Variants in AOPEP observed in about 807,000 individuals in gnomAD.
AOPEP encodes the protein aminopeptidase O (putative), also known as aminopeptidase O.
A neutral mutation model predicts 98.1 loss-of-function variants in AOPEP; 77 were observed. That is an observed-to-expected ratio of 0.78 (90% CI 0.65 to 0.95). AOPEP has a LOEUF of 0.95. Among genes scored for constraint, AOPEP ranks in the 40% least tolerant of loss-of-function variants. The pLI is 0.00. For missense variants in AOPEP, 1,024 were observed against 1,024.7 expected (o/e 1.00, Z 0.01); for synonymous variants, 346 against 365.3 (o/e 0.95, Z 0.60).
Position 94,900,872 on chromosome 9 carries a change from G to C in AOPEP, c.1365-23114G>C, listed in dbSNP as rs2050301361. On this transcript the variant is annotated intron_variant, in intron 5 of 16. Coordinates refer to ENST00000375315, the MANE Select transcript of AOPEP (RefSeq NM_001193329.3). ...TTAAACAAAATCACGAAGCTTTGCA[G>C]TGAAGACACATCTGACTCACAAGTA... 2.6e-5 allele frequency: 4 copies of C among 152,302 alleles called. No homozygotes were observed. The South Asian group carries it at 8.3e-4, about 32-fold the overall frequency. 9.4% of individuals were successfully genotyped at this position (152,302 alleles called of 1,614,324 possible).
the AOPEP span, chr9:95,126,716 G>A: frequency 7.0e-6 from 6 of 853,472 alleles, no homozygotes; most frequent in African/African-American, 1.7e-5. Context: ...TTAGAAGAAC[G>A]AACCACTGCT....
At position 94,967,815 on chromosome 9, in the gene AOPEP, T is replaced by G. The variant is rs769018681; in HGVS notation, c.1916+14T>G. 1 of 1,608,796 alleles carries G rather than the reference T, an allele frequency of 6.2e-7. No homozygotes were observed. The highest frequency in any genetic ancestry group is 1.7e-5 in the Admixed American group (1 of 59,984). ...AGAAGAAAAAAGGTAAGGACCAATT[T>G]AGGAATTTTGGAATTAAGAGCCCAG... On this transcript the variant is annotated intron_variant, in intron 10 of 16. Coordinates refer to ENST00000375315, the MANE Select transcript of AOPEP (RefSeq NM_001193329.3).
intron 1 of AOPEP, among the ~76,000 whole-genome samples, chr9:94,731,854 T>C (rs1178754345): frequency 7.2e-6 from 1 of 139,698 alleles, no homozygotes; most frequent in Non-Finnish European, 1.5e-5. Context: ...TGGAGTGCAA[T>C]GGCATGATCT....
chr9:95,017,649 T>C (rs979263970), intron 13 of AOPEP, among the ~76,000 whole-genome samples: 14 of 152,252 alleles, frequency 9.2e-5, no homozygotes, highest in Admixed American at 2.6e-4. Context: ...TCTTGAGTTA[T>C]ATGTCATGTA....
At chr9:95,057,344 C>T (rs940976581) in intron 13 of AOPEP, among the ~76,000 whole-genome samples, 10 of 152,240 alleles carry the variant, frequency 6.6e-5, no homozygotes, top group Admixed American at 3.9e-4. Flanking sequence ...TTGATTTCCA[C>T]GTGGGTGGAA....
the AOPEP span, chr9:95,150,077 C>T: frequency 7.4e-6 from 12 of 1,614,036 alleles, no homozygotes; most frequent in East Asian, 4.5e-5. Context: ...GCCACTCGCT[C>T]GGGAGCCATT....
the AOPEP span, among the ~76,000 whole-genome samples, chr9:95,116,185 A>G: frequency 5.8e-3 from 889 of 152,318 alleles, 14 homozygotes; most frequent in South Asian, 0.036. Context: ...ACTCCAGTAC[A>G]TTTTCTGGAG....
At chr9:95,030,212 A>C (rs2064179209) in intron 13 of AOPEP, among the ~76,000 whole-genome samples, 1 of 152,244 alleles carries the variant, frequency 6.6e-6, no homozygotes, top group South Asian at 2.1e-4. Flanking sequence ...TCACTCAACC[A>C]GCACTTTTAG....
At chr9:94,762,398 G>A (rs1838540321) in intron 2 of AOPEP, among the ~76,000 whole-genome samples, 1 of 151,284 alleles carries the variant, frequency 6.6e-6, no homozygotes, top group Admixed American at 6.6e-5. Context: ...AGTGAGCCAA[G>A]ATCGTGCCAC....
rs1837962710 is a variant in AOPEP at position 94,760,353 on chromosome 9, A to G, written c.570A>G (p.Glu190=). Reference sequence around the variant, plus strand: ...AGTTCAGGAATCAGATTGTACGTGAACTTGTGACTTTGCCTGCAAATCGTT... The same window carrying G: ...AGTTCAGGAATCAGATTGTACGTGAGCTTGTGACTTTGCCTGCAAATCGTT... ...SEEFRNQIVR[E]LVTLPANRWR... The change falls in exon 2 of 17, where the codon GAA becomes GAG. Residue 190 remains glutamate (E), a synonymous_variant. Coordinates refer to ENST00000375315, the MANE Select transcript of AOPEP (RefSeq NM_001193329.3). 6.2e-7 allele frequency: 1 copy of G among 1,614,046 alleles called. No homozygotes were observed. The highest frequency in any genetic ancestry group is 8.5e-7 in the Non-Finnish European group (1 of 1,180,040).
chr9:94,845,576 T>A (rs1026161762), intron 5 of AOPEP, among the ~76,000 whole-genome samples: 4 of 151,910 alleles, frequency 2.6e-5, no homozygotes, highest in Admixed American at 2.6e-4. Flanking sequence ...AATAGAGAAA[T>A]CTACATGCGA....
intron 16 of AOPEP, 110 bp from the exon 17 acceptor site, chr9:95,086,572 T>TG (rs1324099027): frequency 3.0e-6 from 3 of 994,682 alleles, no homozygotes; most frequent in East Asian, 2.2e-4. Context: ...CCTTGTCCTG[T>TG]GATTAAAGTC....
chr9:94,761,936 T>C (rs1029444738), intron 2 of AOPEP, among the ~76,000 whole-genome samples: 1 of 151,018 alleles, frequency 6.6e-6, no homozygotes, highest in Non-Finnish European at 1.5e-5. Flanking sequence ...TATCTGAATA[T>C]TTAACTAGGA....
chr9:94,914,723 C>A (rs995126577), intron 5 of AOPEP, among the ~76,000 whole-genome samples: 3 of 152,110 alleles, frequency 2.0e-5, no homozygotes, highest in Non-Finnish European at 4.4e-5. Context: ...TGATGCTGTG[C>A]AGCCACCACA....
intron 8 of AOPEP, among the ~76,000 whole-genome samples, chr9:94,955,661 G>A (rs113729283): frequency 6.6e-6 from 1 of 152,068 alleles, no homozygotes; most frequent in Non-Finnish European, 1.5e-5. Context: ...CATCTGCGAT[G>A]GACAACCAGC....
chr9:94,995,493 C>A (rs546917905), intron 11 of AOPEP, among the ~76,000 whole-genome samples: 9 of 152,226 alleles, frequency 5.9e-5, no homozygotes, highest in African/African-American at 2.2e-4. Context: ...CTGTGGATTT[C>A]CTATGACACC....
intron 5 of AOPEP, among the ~76,000 whole-genome samples, chr9:94,871,078 C>T (rs1283288929): frequency 6.6e-6 from 1 of 152,244 alleles, no homozygotes; most frequent in Non-Finnish European, 1.5e-5. Context: ...ACTCCCAGTT[C>T]CATTCTCTGC....
intron 2 of AOPEP, among the ~76,000 whole-genome samples, chr9:94,772,337 G>A (rs370807022): frequency 1.8e-4 from 27 of 152,260 alleles, no homozygotes; most frequent in African/African-American, 6.5e-4. Context: ...CTTTCTAATC[G>A]CAGCAGAATG....
At chr9:95,044,019 TC>T (rs770495735) in intron 13 of AOPEP, among the ~76,000 whole-genome samples, 1 of 152,206 alleles carries the variant, frequency 6.6e-6, no homozygotes, top group South Asian at 2.1e-4. Flanking sequence ...TAACATGTGT[TC>T]CTGTCTACAA....
Sources: gnomAD v4.1 joint callset for allele counts (sites outside exome capture counted in the v4.1 genomes callset) on GRCh38, gnomAD v4.1.1 for gene constraint, MANE v1.5 for transcripts, NCBI Gene and HGNC (gene_info 2026-07-23, HGNC 2026-07-21) for gene names.